Variants in CSMD1 observed in about 807,000 individuals in gnomAD.
CSMD1 encodes CUB and sushi domain-containing protein 1.
CSMD1 carries 213 observed loss-of-function variants against 417.5 expected under a neutral mutation model. That is an observed-to-expected ratio of 0.51 (90% CI 0.46 to 0.57). The LOEUF is 0.57. CSMD1 is among the 20% of genes least tolerant of loss of function. The pLI is 0.00. For missense variants in CSMD1, 6,923 were observed against 4,529.7 expected (o/e 1.53, Z -15.17); for synonymous variants, 2,862 against 1,736.8 (o/e 1.65, Z -16.11).
intron 5 of CSMD1, among the ~76,000 whole-genome samples, chr8:3,888,620 T>C (rs1297420319): frequency 6.6e-6 from 1 of 152,120 alleles, no homozygotes; most frequent in Non-Finnish European, 1.5e-5. Flanking sequence ...ATCTTTGTCA[T>C]ACAAGCAAGG....
intron 3 of CSMD1, among the ~76,000 whole-genome samples, chr8:4,365,630 C>A (rs550602818): frequency 6.6e-6 from 1 of 152,192 alleles, no homozygotes; most frequent in Non-Finnish European, 1.5e-5. Context: ...ACTCTGAACA[C>A]TAACGGTGAA....
intron 23 of CSMD1, among the ~76,000 whole-genome samples, chr8:3,323,114 A>G (rs550855357): frequency 6.6e-6 from 1 of 152,226 alleles, no homozygotes; most frequent in East Asian, 1.9e-4. Context: ...CACCTCTAAC[A>G]TTGTGTTTTT....
At chr8:4,164,562 C>G (rs957946066) in intron 3 of CSMD1, among the ~76,000 whole-genome samples, 1 of 152,096 alleles carries the variant, frequency 6.6e-6, no homozygotes, top group Admixed American at 6.5e-5. Flanking sequence ...CACCAAGCCC[C>G]GCCCAAAATC....
chr8:4,067,586 G>C (rs759237340), intron 3 of CSMD1, among the ~76,000 whole-genome samples: 1 of 151,906 alleles, frequency 6.6e-6, no homozygotes, highest in African/African-American at 2.4e-5. Context: ...CAGCATTTTT[G>C]TTTATTAATT....
At chr8:4,477,944 G>A (rs183573368) in intron 2 of CSMD1, among the ~76,000 whole-genome samples, 19 of 152,300 alleles carry the variant, frequency 1.2e-4, no homozygotes, top group African/African-American at 3.6e-4. Context: ...TGATAGCTAT[G>A]CAATAAATAT....
intron 5 of CSMD1, among the ~76,000 whole-genome samples, chr8:3,961,192 G>T (rs1476657169): frequency 1.3e-5 from 2 of 152,140 alleles, no homozygotes; most frequent in Non-Finnish European, 2.9e-5. Flanking sequence ...CTATAAGCAT[G>T]AAAGTCATTG....
At chr8:4,615,656 G>T (rs758049954) in intron 2 of CSMD1, among the ~76,000 whole-genome samples, 1 of 152,094 alleles carries the variant, frequency 6.6e-6, no homozygotes, top group Non-Finnish European at 1.5e-5. Context: ...TTTTGTGAGT[G>T]TAAGGTGTTA....
chr8:4,777,777 G>C (rs1198889393), intron 1 of CSMD1, among the ~76,000 whole-genome samples: 1 of 152,168 alleles, frequency 6.6e-6, no homozygotes, highest in Admixed American at 6.6e-5. Context: ...ACAAAAAGAA[G>C]TCAAAGAGTA....
At chr8:3,335,538 G>A (rs62504774) in intron 23 of CSMD1, among the ~76,000 whole-genome samples, 16,380 of 152,122 alleles carry the variant, frequency 0.11, 1,146 homozygotes, top group Non-Finnish European at 0.16. Flanking sequence ...TTAGCCGGGT[G>A]TGGTGTTGGG....
At chr8:3,243,838 A>G (rs1055667701) in intron 26 of CSMD1, among the ~76,000 whole-genome samples, 3 of 151,750 alleles carry the variant, frequency 2.0e-5, no homozygotes, top group African/African-American at 7.3e-5. Context: ...TGTATATGCA[A>G]AGTTTTGTTA....
At chr8:4,806,110 A>G (rs985045365) in intron 1 of CSMD1, among the ~76,000 whole-genome samples, 5 of 152,164 alleles carry the variant, frequency 3.3e-5, no homozygotes, top group African/African-American at 4.8e-5. Context: ...TGAACCCAGC[A>G]AAAACGTTTA....
intron 1 of CSMD1, among the ~76,000 whole-genome samples, chr8:4,721,803 C>A (rs1311372514): frequency 1.3e-5 from 2 of 152,108 alleles, no homozygotes; most frequent in South Asian, 2.1e-4. Flanking sequence ...ATGTAAAGAA[C>A]CTAGGCATCC....
At chr8:3,490,285 C>G (rs981871890) in intron 11 of CSMD1, among the ~76,000 whole-genome samples, 20 of 152,136 alleles carry the variant, frequency 1.3e-4, no homozygotes, top group African/African-American at 4.8e-4. Flanking sequence ...CAGATTCAAG[C>G]TATTGAGAGA....
chr8:4,779,521 G>C (rs1164938470), intron 1 of CSMD1, among the ~76,000 whole-genome samples: 1 of 152,094 alleles, frequency 6.6e-6, no homozygotes, highest in Non-Finnish European at 1.5e-5. Flanking sequence ...TGCAGTTAGA[G>C]AAAAGGAACA....
At chr8:3,441,687 A>C (rs1182686365) in intron 12 of CSMD1, among the ~76,000 whole-genome samples, 1 of 152,082 alleles carries the variant, frequency 6.6e-6, no homozygotes, top group African/African-American at 2.4e-5. Flanking sequence ...ATGCTGGTGT[A>C]AATAAACCTA....
chr8:3,957,978 C>G (rs147004295), intron 5 of CSMD1, among the ~76,000 whole-genome samples: 2 of 152,176 alleles, frequency 1.3e-5, no homozygotes, highest in East Asian at 3.9e-4. Flanking sequence ...TTTTTACTTT[C>G]TTTTTGCTTG....
intron 2 of CSMD1, among the ~76,000 whole-genome samples, chr8:4,461,853 G>T (rs1344657350): frequency 1.3e-5 from 2 of 149,324 alleles, no homozygotes; most frequent in African/African-American, 4.9e-5. Context: ...CCATTCTCCT[G>T]CCTCAGCCTC....
chr8:4,000,315 C>G (rs998211362), intron 4 of CSMD1, among the ~76,000 whole-genome samples: 1 of 152,230 alleles, frequency 6.6e-6, no homozygotes, highest in Non-Finnish European at 1.5e-5. Flanking sequence ...GCCCAGCTCG[C>G]CACAGTTTTT....
chr8:4,146,603 T>A (rs1240592712), intron 3 of CSMD1, among the ~76,000 whole-genome samples: 2 of 71,354 alleles, frequency 2.8e-5, no homozygotes, highest in African/African-American at 1.9e-4. Flanking sequence ...CATTTTTTTT[T>A]TTTTTTTTTT....
Sources: gnomAD v4.1 joint callset for allele counts (sites outside exome capture counted in the v4.1 genomes callset) on GRCh38, gnomAD v4.1.1 for gene constraint, MANE v1.5 for transcripts, NCBI Gene and HGNC (gene_info 2026-07-23, HGNC 2026-07-21) for gene names.